HEMGN: variants seen among roughly 807,000 people sequenced by gnomAD.
HEMGN encodes erythroid differentiation-associated gene protein.
A neutral mutation model predicts 45.7 loss-of-function variants in HEMGN; 32 were observed. The ratio of observed to expected loss-of-function variants is 0.70; its 90% confidence interval spans 0.53 to 0.94. HEMGN has a LOEUF of 0.94. Among genes scored for constraint, HEMGN ranks in the 40% least tolerant of loss-of-function variants. The probability of loss-of-function intolerance (pLI) is 0.00; values close to 1 mark genes in which losing one functional copy is unlikely to be tolerated. For missense variants in HEMGN, 530 were observed against 564.2 expected, an observed-to-expected ratio of 0.94 and a Z score of 0.61; for synonymous variants, 183 against 178.6, an observed-to-expected ratio of 1.02 and a Z score of -0.20.
Position 97,927,353 on chromosome 9 carries a change from C to T in HEMGN, c.*31G>A. 1 of 1,239,002 alleles carries T rather than the reference C, an allele frequency of 8.1e-7. No individual in the cohort carries two copies. Among genetic ancestry groups the T allele is most frequent in the South Asian group, 1.4e-5 (1 of 73,634 alleles). 76.8% of individuals were successfully genotyped at this position (1,239,002 alleles called of 1,614,324 possible). A position where few individuals can be genotyped will look rare whatever the true frequency, so the allele number is the denominator to read the frequency against. On this transcript the variant is annotated 3_prime_UTR_variant, in exon 4 of 4. Transcript: ENST00000616898. ...GCATAAACTATTAAGCTGTATGTTC[C>T]ATTGGACCACAACTTTATGGTTGAG...
upstream of HEMGN, among the ~76,000 whole-genome samples, chr9:97,942,983 A>C (rs1827174231): frequency 6.6e-6 from 1 of 152,208 alleles, no homozygotes; most frequent in Non-Finnish European, 1.5e-5. Context: ...TGTGAAGACC[A>C]TATTATATGA....
upstream of HEMGN, chr9:97,938,188 G>C: frequency 8.6e-7 from 1 of 1,161,802 alleles, no homozygotes; most frequent in Non-Finnish European, 1.3e-6. Context: ...AAGCAGCCTA[G>C]ATGCTTTTTT....
chr9:97,930,777 T>G lies in HEMGN; in HGVS notation c.618A>C (p.Gln206His). ...GATGGTCTTGAATTACAGATATTACTTGGCATGTGTTAGGAGAGTTGTCTT... is the reference window on the plus strand; with the variant it reads ...GATGGTCTTGAATTACAGATATTACGTGGCATGTGTTAGGAGAGTTGTCTT... Reference protein sequence around the residue: ...EPEDNSPNTCQVISVIQDHPF... With the variant: ...EPEDNSPNTCHVISVIQDHPF... The change falls in exon 3 of 4, where the codon CAA becomes CAC. Residue 206 changes from glutamine to histidine, a missense_variant. Gln to His is a conservative substitution (Grantham distance 24). Transcript: ENST00000616898. 1 of 1,614,202 alleles carries G rather than the reference T, an allele frequency of 6.2e-7. No homozygotes were observed. The highest frequency in any genetic ancestry group is 8.5e-7 in the Non-Finnish European group (1 of 1,179,994).
chr9:97,931,910 G>T (rs889294482), intron 2 of HEMGN, among the ~76,000 whole-genome samples: 5 of 152,158 alleles, frequency 3.3e-5, no homozygotes, highest in African/African-American at 1.2e-4. Flanking sequence ...GAAAGGATAT[G>T]CATGGTAATT....
chr9:97,931,503 C>A (rs1038113069), intron 2 of HEMGN, among the ~76,000 whole-genome samples: 12 of 152,100 alleles, frequency 7.9e-5, no homozygotes, highest in African/African-American at 2.7e-4. Context: ...TGCGTGCGTG[C>A]GTGTGTTATA....
At chr9:97,934,453 G>A (rs533106509) in intron 2 of HEMGN, among the ~76,000 whole-genome samples, 2 of 103,140 alleles carry the variant, frequency 1.9e-5, no homozygotes, top group African/African-American at 3.6e-5. Flanking sequence ...GGGAGGGGAG[G>A]GGGGAGGGGA....
At chr9:97,932,299 T>C (rs539401174) in intron 2 of HEMGN, among the ~76,000 whole-genome samples, 1 of 152,294 alleles carries the variant, frequency 6.6e-6, no homozygotes, top group African/African-American at 2.4e-5. Flanking sequence ...TCCTTGCATA[T>C]TTAAAAAAAG....
At chr9:97,944,528 G>T (rs1000877576) in intron 1 of HEMGN, among the ~76,000 whole-genome samples, 2 of 152,136 alleles carry the variant, frequency 1.3e-5, no homozygotes, top group Non-Finnish European at 2.9e-5. Flanking sequence ...TCCCTAAGTG[G>T]CTATCTGCTT....
At chr9:97,928,636 C>A (rs1392856141) in intron 3 of HEMGN, among the ~76,000 whole-genome samples, 1 of 152,096 alleles carries the variant, frequency 6.6e-6, no homozygotes, top group Non-Finnish European at 1.5e-5. Flanking sequence ...ATAAAATAAA[C>A]CACATAAAAT....
upstream of HEMGN, chr9:97,938,198 T>A: frequency 9.4e-7 from 1 of 1,066,048 alleles, no homozygotes; most frequent in Non-Finnish European, 1.4e-6. Context: ...GATGCTTTTT[T>A]AAAATATCAA....
intron 2 of HEMGN, among the ~76,000 whole-genome samples, chr9:97,934,114 A>G (rs1827008448): frequency 6.6e-6 from 1 of 152,192 alleles, no homozygotes; most frequent in East Asian, 1.9e-4. Context: ...TGGGAGGCCA[A>G]GGTGGGCGAA....
chr9:97,930,719 C>T lies in HEMGN; in HGVS notation c.676G>A (p.Glu226Lys). Reference sequence around the variant, plus strand: ...TGGCACATTTTAGGAGCCAGATCTTCTCGTTTAGCCATATCTTGGTACATT... The same window carrying T: ...TGGCACATTTTAGGAGCCAGATCTTTTCGTTTAGCCATATCTTGGTACATT... Reference protein sequence around the residue: ...FKMYQDMAKREDLAPKMCQEA... With the variant: ...FKMYQDMAKRKDLAPKMCQEA... The change falls in exon 3 of 4, where the codon GAA becomes AAA. Residue 226 changes from glutamate to lysine, a missense_variant. Coordinates refer to ENST00000616898, the MANE Select transcript of HEMGN (RefSeq NM_197978.3). 1 of 1,614,160 alleles carries T rather than the reference C, an allele frequency of 6.2e-7. No homozygotes were observed. The highest frequency in any genetic ancestry group is 8.5e-7 in the Non-Finnish European group (1 of 1,180,038).
At chr9:97,932,803 CAAAA>C (rs5899328) in intron 2 of HEMGN, among the ~76,000 whole-genome samples, 2 of 87,280 alleles carry the variant, frequency 2.3e-5, no homozygotes, top group Admixed American at 1.2e-4. Flanking sequence ...GACTCTGTCT[CAAAA>C]AAAAAAAAAA....
chr9:97,944,537 T>G (rs751363925), intron 1 of HEMGN, among the ~76,000 whole-genome samples: 13 of 152,212 alleles, frequency 8.5e-5, no homozygotes, highest in Non-Finnish European at 1.6e-4. Flanking sequence ...GGCTATCTGC[T>G]TTCATCTGCC....
upstream of HEMGN, among the ~76,000 whole-genome samples, chr9:97,940,343 A>G (rs1011585480): frequency 3.3e-5 from 5 of 151,936 alleles, no homozygotes; most frequent in Admixed American, 3.3e-4. Flanking sequence ...AGTCAATTCC[A>G]CCCCTGCCCC....
At chr9:97,942,588 G>A (rs1827168935), upstream of HEMGN, among the ~76,000 whole-genome samples, 1 of 152,102 alleles carries the variant, frequency 6.6e-6, no homozygotes, top group South Asian at 2.1e-4. Flanking sequence ...AGCCCAGCCT[G>A]GCCCTCTTCC....
At position 97,930,520 on chromosome 9, in the gene HEMGN, G is replaced by A. The variant is rs781231718; in HGVS notation, c.875C>T (p.Ala292Val). Residue 292 changes from alanine to valine, a missense_variant, in exon 3 of 4, where the codon GCT becomes GTT. Ala to Val is a moderately conservative substitution (Grantham distance 64, BLOSUM62 0). Transcript: ENST00000616898. ...EEYNETDQGI[A>V]ETEGLFPKIQ... Reference sequence around the variant, plus strand: ...TTTAGGAAAAAGGCCTTCTGTCTCAGCTATTCCTTGATCTGTTTCATTGTA... The same window carrying A: ...TTTAGGAAAAAGGCCTTCTGTCTCAACTATTCCTTGATCTGTTTCATTGTA... 3.5e-5 allele frequency: 57 copies of A among 1,613,904 alleles called. 1 individual carries two copies. The South Asian group carries it at 4.5e-4, about 13-fold the overall frequency.
intron 1 of HEMGN, among the ~76,000 whole-genome samples, chr9:97,936,648 A>G (rs1321205500): frequency 6.6e-6 from 1 of 152,216 alleles, no homozygotes; most frequent in Non-Finnish European, 1.5e-5. Context: ...ACAAAGTTGT[A>G]AGAATAGCAT....
chr9:97,931,904 G>A (rs1258376893), intron 2 of HEMGN, among the ~76,000 whole-genome samples: 1 of 152,112 alleles, frequency 6.6e-6, no homozygotes, highest in Non-Finnish European at 1.5e-5. Flanking sequence ...GAAGATGAAA[G>A]GATATGCATG....
Sources: allele counts gnomAD v4.1 joint callset (sites outside exome capture counted in the v4.1 genomes callset), GRCh38; gene constraint gnomAD v4.1.1; transcripts MANE v1.5; gene names NCBI Gene and HGNC (gene_info 2026-07-23, HGNC 2026-07-21).